SORCS1: variants seen among roughly 807,000 people sequenced by gnomAD.
SORCS1 encodes the protein sortilin related VPS10 domain containing receptor 1.
SORCS1 carries 60 observed loss-of-function variants against 146.1 expected under a neutral mutation model. The ratio of observed to expected loss-of-function variants is 0.41; its 90% CI spans 0.33 to 0.51. SORCS1 has a LOEUF of 0.51. Ranked by LOEUF, SORCS1 falls within the 20% of genes least tolerant of loss-of-function variation. The pLI, the probability that SORCS1 is intolerant of heterozygous loss-of-function variation, is 0.21. For missense variants in SORCS1, 1,352 were observed against 1,487.6 expected (o/e 0.91, Z 1.50); for synonymous variants, 637 against 584.0 (o/e 1.09, Z -1.31).
intron 18 of SORCS1, among the ~76,000 whole-genome samples, chr10:106,645,159 G>T (rs546977375): frequency 7.5e-6 from 1 of 132,644 alleles, no homozygotes; most frequent in East Asian, 2.4e-4. Context: ...TTTTTGAGAG[G>T]GTGTCTTATT....
intron 1 of SORCS1, among the ~76,000 whole-genome samples, chr10:106,983,471 A>G (rs1428975747): frequency 2.6e-5 from 4 of 152,076 alleles, no homozygotes; most frequent in Admixed American, 2.6e-4. Flanking sequence ...AGAGGAAATC[A>G]TTCTTCTCTT....
chr10:106,697,185 A>G (rs1853764044), intron 9 of SORCS1, among the ~76,000 whole-genome samples: 1 of 152,224 alleles, frequency 6.6e-6, no homozygotes, highest in Non-Finnish European at 1.5e-5. Flanking sequence ...ATTTATAAGA[A>G]GACAGCTACT....
At chr10:106,607,135 C>T in intron 23 of SORCS1, 31 bp downstream of exon 23, 1 of 1,610,702 alleles carries the variant, frequency 6.2e-7, no homozygotes, top group East Asian at 2.2e-5. Context: ...ACGGTTGAAG[C>T]TGAAAACGTC....
chr10:106,680,544 T>C (rs1441970137), intron 10 of SORCS1, among the ~76,000 whole-genome samples: 1 of 152,212 alleles, frequency 6.6e-6, no homozygotes, highest in Non-Finnish European at 1.5e-5. Flanking sequence ...AATGCACTAG[T>C]AGTAAAAATT....
intron 1 of SORCS1, among the ~76,000 whole-genome samples, chr10:107,057,077 T>C (rs1311242271): frequency 1.3e-5 from 2 of 152,100 alleles, no homozygotes; most frequent in Non-Finnish European, 1.5e-5. Context: ...ATGTTATCAC[T>C]AAAACTTCAA....
At chr10:106,790,374 A>G (rs894734228) in intron 3 of SORCS1, among the ~76,000 whole-genome samples, 13 of 152,320 alleles carry the variant, frequency 8.5e-5, no homozygotes, top group African/African-American at 2.4e-4. Flanking sequence ...GCTGCAGCCA[A>G]TGAGCTGGGA....
At chr10:106,953,839 G>A (rs963452814) in intron 2 of SORCS1, among the ~76,000 whole-genome samples, 1 of 152,254 alleles carries the variant, frequency 6.6e-6, no homozygotes, top group Admixed American at 6.5e-5. Context: ...TGGTGTCATT[G>A]ACTGAAATGG....
intron 2 of SORCS1, among the ~76,000 whole-genome samples, chr10:106,925,134 G>A (rs1461016110): frequency 6.6e-6 from 1 of 151,788 alleles, no homozygotes; most frequent in Admixed American, 6.6e-5. Context: ...TGGCAGTATT[G>A]CTCATTTGGA....
intron 1 of SORCS1, among the ~76,000 whole-genome samples, chr10:107,109,349 C>T (rs113006746): frequency 9.8e-5 from 15 of 152,366 alleles, no homozygotes; most frequent in East Asian, 3.9e-4. Flanking sequence ...AAAATCTAGA[C>T]GGAGGCCAAG....
intron 1 of SORCS1, among the ~76,000 whole-genome samples, chr10:107,026,033 G>GA (rs1164619806): frequency 6.6e-6 from 1 of 152,084 alleles, no homozygotes; most frequent in East Asian, 1.9e-4. Flanking sequence ...ATTCCAACCT[G>GA]AAAATCCACC....
At chr10:107,169,960 CATT>C in the SORCS1 span, among the ~76,000 whole-genome samples, 1 of 152,066 alleles carries the variant, frequency 6.6e-6, no homozygotes, top group African/African-American at 2.4e-5. Context: ...ATATCACTGT[CATT>C]ATGTAAACTC....
At chr10:106,986,509 ACCGTGT>A (rs1307743863) in intron 1 of SORCS1, among the ~76,000 whole-genome samples, 4 of 112,706 alleles carry the variant, frequency 3.5e-5, no homozygotes, top group African/African-American at 8.2e-5. Flanking sequence ...TATATATACA[ACCGTGT>A]GTGTGTGTGT....
rs1844490758 is a variant in SORCS1, at chr10:106,574,362, C to T, written c.*3058G>A. The T allele has an allele frequency of 6.6e-6, 1 of 152,592 alleles. No individual in the cohort carries two copies. Among genetic ancestry groups the T allele is most frequent in the Non-Finnish European group, 1.5e-5 (1 of 68,062 alleles). The allele number at this position is 152,592 out of a possible 1,614,324, so 9.5% of individuals were successfully genotyped here. A position where few individuals can be genotyped will look rare whatever the true frequency, so the allele number is the denominator to read the frequency against. On this transcript the variant is annotated 3_prime_UTR_variant, in exon 26 of 26. Transcript: ENST00000263054. ...TGCCCTGAATCTTACCTTCCACATA[C>T]ATCCCTCCCTACACACTCCTCTGAC...
chr10:106,626,196 G>A (rs1036582849), intron 19 of SORCS1, among the ~76,000 whole-genome samples: 1 of 152,168 alleles, frequency 6.6e-6, no homozygotes, highest in Non-Finnish European at 1.5e-5. Flanking sequence ...GATTGCCCCT[G>A]AGGGTAGGAA....
chr10:106,830,479 A>T (rs570117535), intron 2 of SORCS1, among the ~76,000 whole-genome samples: 31 of 152,306 alleles, frequency 2.0e-4, no homozygotes, highest in South Asian at 1.0e-3. Context: ...AAAGAAATTT[A>T]AAAAATTTCC....
At chr10:106,911,682 G>T (rs546569974) in intron 2 of SORCS1, among the ~76,000 whole-genome samples, 4 of 152,280 alleles carry the variant, frequency 2.6e-5, no homozygotes, top group African/African-American at 7.2e-5. Context: ...ACTTACACCA[G>T]TGGTTCTCAA....
chr10:106,899,137 C>T (rs914926590), intron 2 of SORCS1, among the ~76,000 whole-genome samples: 2 of 152,118 alleles, frequency 1.3e-5, no homozygotes, highest in Non-Finnish European at 2.9e-5. Flanking sequence ...AGAACCAAGC[C>T]ATATTTTTTT....
chr10:106,811,699 T>C (rs2136795240), intron 3 of SORCS1, among the ~76,000 whole-genome samples: 1 of 152,332 alleles, frequency 6.6e-6, no homozygotes, highest in South Asian at 2.1e-4. Flanking sequence ...CAAGCAGCAG[T>C]ACTCTGCTAT....
chr10:106,917,575 A>G (rs1204524898), intron 2 of SORCS1, among the ~76,000 whole-genome samples: 1 of 152,222 alleles, frequency 6.6e-6, no homozygotes, highest in Non-Finnish European at 1.5e-5. Context: ...CGTGTACTAC[A>G]GCATGTTTAG....
Sources: gnomAD v4.1 joint callset for allele counts (sites outside exome capture counted in the v4.1 genomes callset) on GRCh38, gnomAD v4.1.1 for gene constraint, MANE v1.5 for transcripts, NCBI Gene and HGNC (gene_info 2026-07-23, HGNC 2026-07-21) for gene names.